Variants in PSD3 observed in about 807,000 individuals in gnomAD.
PSD3 encodes PH and SEC7 domain-containing protein 3.
PSD3 carries 49 observed loss-of-function variants against 105.5 expected under a neutral mutation model. The ratio of observed to expected loss-of-function variants is 0.46; its 90% CI spans 0.37 to 0.59. The LOEUF (loss-of-function observed/expected upper bound fraction) is 0.59, where lower values mean the gene tolerates loss of function less well. Among genes scored for constraint, PSD3 ranks in the 20% least tolerant of loss-of-function variants. PSD3 has a pLI of 0.00. For missense variants in PSD3, 1,561 were observed against 1,263.8 expected, an observed-to-expected ratio of 1.24 and a Z score of -3.57; for synonymous variants, 557 against 457.8, an observed-to-expected ratio of 1.22 and a Z score of -2.77.
intron 6 of PSD3, 101 bp from the exon 7 acceptor site, chr8:18,801,483 T>C (rs1259902623): frequency 9.0e-6 from 6 of 664,414 alleles, no homozygotes; most frequent in Non-Finnish European, 1.3e-5. Context: ...ATATTAATTA[T>C]ACAAAGTAAG....
intron 2 of PSD3, among the ~76,000 whole-genome samples, chr8:18,883,638 G>A (rs1199058799): frequency 6.6e-6 from 1 of 152,192 alleles, no homozygotes; most frequent in Non-Finnish European, 1.5e-5. Context: ...GCTCAGGGAA[G>A]GGTAAGGACT....
rs59579746 is a variant in PSD3, at chr8:18,743,774, TAA to T, written c.2172+21673_2172+21674del. ...CAACACAGAAAGACCCTGTCTCTAT[TAA>T]AAAAAAAAAAAAAAGAAAGAAAATT... On this transcript the variant is annotated intron_variant, in intron 9 of 15. Coordinates refer to ENST00000327040, the MANE Select transcript of PSD3 (RefSeq NM_015310.4). Among the ~76,000 whole-genome samples the T allele has an allele frequency of 9.0e-3, 1,282 of 141,822 alleles. 9 individuals are homozygous for T. The highest frequency in any genetic ancestry group is 0.019 in the African/African-American group (723 of 38,486). The allele number at this position is 141,822 out of a possible 152,430, so 93.0% of individuals were successfully genotyped here.
At chr8:18,944,887 C>T (rs1822766702) in intron 1 of PSD3, among the ~76,000 whole-genome samples, 1 of 152,128 alleles carries the variant, frequency 6.6e-6, no homozygotes, top group Non-Finnish European at 1.5e-5. Flanking sequence ...TTTCTCACGC[C>T]ACAGAATGTT....
chr8:18,857,912 A>G (rs1816146737), intron 4 of PSD3, among the ~76,000 whole-genome samples: 1 of 152,202 alleles, frequency 6.6e-6, no homozygotes, highest in Admixed American at 6.5e-5. Context: ...AGCGTCAGGC[A>G]CAGGCATAAG....
intron 2 of PSD3, among the ~76,000 whole-genome samples, chr8:18,878,152 T>A (rs947440915): frequency 2.6e-5 from 4 of 152,166 alleles, no homozygotes; most frequent in Admixed American, 6.5e-5. Flanking sequence ...CATTTTTTTT[T>A]ATAATTTTAA....
At chr8:18,948,646 G>A (rs1350687999) in intron 1 of PSD3, among the ~76,000 whole-genome samples, 1 of 152,082 alleles carries the variant, frequency 6.6e-6, no homozygotes, top group African/African-American at 2.4e-5. Context: ...TTGAAACCTT[G>A]GAAAAGGTTA....
At chr8:18,956,922 G>A (rs1823604662) in intron 1 of PSD3, among the ~76,000 whole-genome samples, 1 of 152,138 alleles carries the variant, frequency 6.6e-6, no homozygotes. Flanking sequence ...CAGGACTCCA[G>A]TTGGGGATCC....
chr8:18,853,004 A>G (rs1252038142), intron 4 of PSD3, among the ~76,000 whole-genome samples: 2 of 152,152 alleles, frequency 1.3e-5, no homozygotes, highest in Non-Finnish European at 2.9e-5. Context: ...GTAACTTGCT[A>G]GAGACCAAAC....
At chr8:18,636,496 T>G (rs1420335386) in intron 10 of PSD3, among the ~76,000 whole-genome samples, 1 of 152,212 alleles carries the variant, frequency 6.6e-6, no homozygotes, top group Admixed American at 6.5e-5. Context: ...AGAAATTTCC[T>G]GTAGCCTAAG....
chr8:18,624,343 A>G (rs893841716), intron 11 of PSD3, among the ~76,000 whole-genome samples: 4 of 152,016 alleles, frequency 2.6e-5, no homozygotes, highest in African/African-American at 7.2e-5. Flanking sequence ...ATCCTTGAAT[A>G]TCAATAAGGT....
chr8:18,994,058 T>A (rs1401858692), intron 1 of PSD3, among the ~76,000 whole-genome samples: 1 of 151,932 alleles, frequency 6.6e-6, no homozygotes, highest in Non-Finnish European at 1.5e-5. Flanking sequence ...GTATCCTAGA[T>A]CTACCACTTA....
intron 2 of PSD3, among the ~76,000 whole-genome samples, chr8:18,922,190 G>A (rs529753152): frequency 7.9e-5 from 12 of 152,206 alleles, no homozygotes; most frequent in Admixed American, 7.2e-4. Context: ...ATGAAAAAAC[G>A]GTTTGTTCAG....
chr8:18,904,639 A>G (rs1396966734), intron 2 of PSD3, among the ~76,000 whole-genome samples: 1 of 152,220 alleles, frequency 6.6e-6, no homozygotes, highest in Non-Finnish European at 1.5e-5. Context: ...AAACAAAATA[A>G]AAATTTTAAG....
intron 1 of PSD3, among the ~76,000 whole-genome samples, chr8:19,022,504 G>A (rs1036202200): frequency 1.3e-5 from 2 of 152,132 alleles, no homozygotes; most frequent in Non-Finnish European, 2.9e-5. Context: ...TGGGAGTGTG[G>A]GCTGATCCCA....
chr8:18,780,639 T>C (rs1808518139), intron 8 of PSD3, among the ~76,000 whole-genome samples: 1 of 152,092 alleles, frequency 6.6e-6, no homozygotes, highest in Non-Finnish European at 1.5e-5. Context: ...CTGTAAGCTC[T>C]GCGTCTTGGG....
intron 10 of PSD3, among the ~76,000 whole-genome samples, chr8:18,649,970 G>C (rs910465553): frequency 6.6e-6 from 1 of 152,192 alleles, no homozygotes; most frequent in East Asian, 1.9e-4. Context: ...CCTGAAGACT[G>C]TGAGCCAATT....
At chr8:19,023,947 A>T (rs1196578110) in intron 1 of PSD3, among the ~76,000 whole-genome samples, 1 of 152,178 alleles carries the variant, frequency 6.6e-6, no homozygotes, top group Non-Finnish European at 1.5e-5. Flanking sequence ...TACTGTACTG[A>T]CTTGACCATT....
intron 9 of PSD3, among the ~76,000 whole-genome samples, chr8:18,670,880 G>T (rs1010202879): frequency 2.7e-4 from 41 of 152,060 alleles, no homozygotes; most frequent in African/African-American, 8.9e-4. Flanking sequence ...AGGGTGGGGG[G>T]ATTTTCAATG....
Position 18,991,465 on chromosome 8 carries a change from C to A in PSD3, c.21+22098G>T, listed in dbSNP as rs74663871. Among the ~76,000 whole-genome samples the A allele has an allele frequency of 4.1e-4, 62 of 151,942 alleles. 1 individual carries two copies. In the East Asian group the frequency reaches 0.011, roughly 28 times the overall value. On this transcript the variant is annotated intron_variant, in intron 1 of 15. Transcript: ENST00000327040. ...TCCCTGGGTGTCCTGTGGCTAGGGT[C>A]AACTGTGACCTACAGGCAGGGCCTT...
Sources: gnomAD v4.1 joint callset for allele counts (sites outside exome capture counted in the v4.1 genomes callset) on GRCh38, gnomAD v4.1.1 for gene constraint, MANE v1.5 for transcripts, NCBI Gene and HGNC (gene_info 2026-07-23, HGNC 2026-07-21) for gene names.